Variants in CATSPERD observed in about 807,000 individuals in gnomAD.
CATSPERD encodes catsper channel auxiliary subunit delta, also known as cation channel sperm-associated auxiliary subunit delta.
CATSPERD carries 86 observed loss-of-function variants against 98.1 expected under a neutral mutation model. The ratio of observed to expected loss-of-function variants is 0.88; its 90% CI spans 0.74 to 1.05. The LOEUF (loss-of-function observed/expected upper bound fraction) is 1.05, where lower values mean the gene tolerates loss of function less well. Ranked by LOEUF, CATSPERD falls within the 50% of genes least tolerant of loss-of-function variation. The probability of loss-of-function intolerance (pLI) is 0.00; values close to 1 mark genes in which losing one functional copy is unlikely to be tolerated. For missense variants in CATSPERD, 995 were observed against 1,005.7 expected (o/e 0.99, Z 0.14); for synonymous variants, 394 against 390.2 (o/e 1.01, Z -0.12).
At chr19:5,758,213 G>A (rs558908900) in intron 14 of CATSPERD, among the ~76,000 whole-genome samples, 5 of 152,176 alleles carry the variant, frequency 3.3e-5, no homozygotes, top group South Asian at 2.1e-4. Context: ...TGAGGATTGC[G>A]TGGGGGCAGT....
intron 7 of CATSPERD, among the ~76,000 whole-genome samples, chr19:5,742,248 ATG>A (rs1250395117): frequency 1.4e-4 from 17 of 117,424 alleles, no homozygotes; most frequent in South Asian, 1.4e-3. Flanking sequence ...ACGTATGTGA[ATG>A]TGTGTGGGTG....
chr19:5,774,675 C>G (rs111467240), intron 20 of CATSPERD, among the ~76,000 whole-genome samples: 5 of 149,564 alleles, frequency 3.3e-5, no homozygotes, highest in Non-Finnish European at 7.4e-5. Context: ...GGCAACAGAG[C>G]GAGGCTGTTT....
At chr19:5,725,704 C>T (rs867487191) in intron 2 of CATSPERD, among the ~76,000 whole-genome samples, 252 of 152,006 alleles carry the variant, frequency 1.7e-3, no homozygotes, top group African/African-American at 5.7e-3. Flanking sequence ...AGTTCAAGAC[C>T]AGCCTGGCCA....
intron 9 of CATSPERD, among the ~76,000 whole-genome samples, chr19:5,747,021 T>A (rs1438187864): frequency 6.6e-6 from 1 of 151,748 alleles, no homozygotes; most frequent in Middle Eastern, 3.2e-3. Flanking sequence ...TTTTTTGTAT[T>A]TTTTGTAGAG....
At chr19:5,729,263 T>G (rs2055669402) in intron 3 of CATSPERD, among the ~76,000 whole-genome samples, 1 of 151,932 alleles carries the variant, frequency 6.6e-6, no homozygotes, top group South Asian at 2.1e-4. Context: ...GCCAGGCTAA[T>G]TTTTATGTGT....
At chr19:5,771,644 T>C (rs560555396) in intron 19 of CATSPERD, among the ~76,000 whole-genome samples, 21 of 151,624 alleles carry the variant, frequency 1.4e-4, no homozygotes, top group Non-Finnish European at 2.7e-4. Context: ...GATCTTGGCT[T>C]ACTGCAACCT....
intron 5 of CATSPERD, among the ~76,000 whole-genome samples, chr19:5,736,913 C>T (rs889741442): frequency 3.3e-5 from 5 of 151,494 alleles, no homozygotes; most frequent in Middle Eastern, 3.2e-3. Context: ...AAAAATTAGC[C>T]GGGCGTGGTG....
intron 20 of CATSPERD, among the ~76,000 whole-genome samples, chr19:5,775,687 A>C (rs189659550): frequency 6.6e-5 from 10 of 151,536 alleles, no homozygotes; most frequent in African/African-American, 2.2e-4. Flanking sequence ...GAAAGAAAGA[A>C]AGAGCAGGGA....
chr19:5,767,225 G>A (rs1161197290), intron 17 of CATSPERD, among the ~76,000 whole-genome samples: 7 of 143,146 alleles, frequency 4.9e-5, no homozygotes, highest in African/African-American at 1.5e-4. Flanking sequence ...GCTGAGGCAG[G>A]AGAATGGCGT....
intron 19 of CATSPERD, 82 bp downstream of exon 19, chr19:5,771,154 T>C: frequency 2.1e-6 from 3 of 1,427,752 alleles, no homozygotes; most frequent in Non-Finnish European, 2.9e-6. Flanking sequence ...AGCCTGGCCC[T>C]CCAGGCTCCC....
intron 11 of CATSPERD, among the ~76,000 whole-genome samples, chr19:5,750,882 TTTCTC>T (rs1599554175): frequency 6.6e-6 from 1 of 151,764 alleles, no homozygotes; most frequent in East Asian, 1.9e-4. Flanking sequence ...TCTCTCTTCC[TTTCTC>T]TTTTCTTTTT....
chr19:5,760,916 G>A (rs542417809), intron 15 of CATSPERD, among the ~76,000 whole-genome samples: 1 of 151,348 alleles, frequency 6.6e-6, no homozygotes, highest in Admixed American at 6.6e-5. Flanking sequence ...CTGACCCTGG[G>A]CGACAGAGCG....
chr19:5,759,186 A>G, intron 15 of CATSPERD, 42 bp downstream of exon 15: 1 of 1,578,722 alleles, frequency 6.3e-7, no homozygotes. Flanking sequence ...GGCTGCCTAC[A>G]GGGGTTTCCT....
intron 2 of CATSPERD, among the ~76,000 whole-genome samples, chr19:5,725,410 C>T (rs1269502113): frequency 6.6e-6 from 1 of 152,114 alleles, no homozygotes; most frequent in Non-Finnish European, 1.5e-5. Flanking sequence ...CTCAGCCTCC[C>T]AAAGTGCTGG....
chr19:5,737,546 CAAAAAAAA>C (rs35730088), intron 6 of CATSPERD, among the ~76,000 whole-genome samples: 3 of 69,422 alleles, frequency 4.3e-5, no homozygotes, highest in South Asian at 5.0e-4. Flanking sequence ...AAGACTCTGT[CAAAAAAAA>C]AAAAAAAAAA....
Position 5,766,126 on chromosome 19 carries a change from C to T in CATSPERD, c.1530C>T (p.Cys510=), listed in dbSNP as rs1404810511. Residue 510 remains cysteine, a synonymous_variant, in exon 17 of 22, where the codon TGC becomes TGT. Coordinates refer to ENST00000381624, the MANE Select transcript of CATSPERD (RefSeq NM_152784.4). ...AGTCGACACTGATTTCAGTTGGCTG[C>T]GACCTGGATAAAAAGATCGTCATCC... ...KPLSTLISVG[C]DLDKKIVIQN... is the part of the protein sequence containing the mutation. 20 of 1,612,692 alleles carry T rather than the reference C, an allele frequency of 1.2e-5. No homozygotes were observed. The highest frequency in any genetic ancestry group is 3.3e-5 in the Admixed American group (2 of 59,832).
intron 7 of CATSPERD, among the ~76,000 whole-genome samples, chr19:5,741,866 C>A (rs2055979860): frequency 1.4e-5 from 2 of 142,738 alleles, no homozygotes; most frequent in African/African-American, 2.6e-5. Context: ...CCCGTCTCTA[C>A]TGAAAAATGC....
At chr19:5,751,924 A>T (rs867068152) in intron 12 of CATSPERD, 101 bp downstream of exon 12, 3 of 1,107,700 alleles carry the variant, frequency 2.7e-6, no homozygotes, top group African/African-American at 3.2e-5. Context: ...GTTGCTCAGG[A>T]GGCTGAGGCT....
intron 1 of CATSPERD, among the ~76,000 whole-genome samples, chr19:5,722,152 G>A (rs945722071): frequency 6.6e-6 from 1 of 151,802 alleles, no homozygotes; most frequent in African/African-American, 2.4e-5. Flanking sequence ...ATGGAGTCTT[G>A]TTCTCGTCGC....
Sources: allele counts gnomAD v4.1 joint callset (sites outside exome capture counted in the v4.1 genomes callset), GRCh38; gene constraint gnomAD v4.1.1; transcripts MANE v1.5; gene names NCBI Gene and HGNC (gene_info 2026-07-23, HGNC 2026-07-21).